Variants in DENND11 observed in about 807,000 individuals in gnomAD.
DENND11 encodes DENN domain-containing protein 11.
Under a neutral mutation model 49.2 loss-of-function variants are expected in DENND11, and 34 were observed. That is an observed-to-expected ratio of 0.69 (90% CI 0.53 to 0.92). The LOEUF (loss-of-function observed/expected upper bound fraction) is 0.92, where lower values mean the gene tolerates loss of function less well. Among genes scored for constraint, DENND11 ranks in the 40% least tolerant of loss-of-function variants. The probability of loss-of-function intolerance (pLI) is 0.00; values close to 1 mark genes in which losing one functional copy is unlikely to be tolerated. For synonymous variants in DENND11, 238 were observed against 230.3 expected (o/e 1.03, Z -0.30); for missense variants, 475 against 581.6 (o/e 0.82, Z 1.88).
rs1184679387 is a variant in DENND11 at position 141,657,918 on chromosome 7, A to G, written c.*4738T>C. 1 of 152,634 alleles carries G rather than the reference A, an allele frequency of 6.6e-6. No homozygotes were observed. The highest frequency in any genetic ancestry group is 1.9e-4 in the East Asian group (1 of 5,194). 9.5% of individuals were successfully genotyped at this position (152,634 alleles called of 1,614,324 possible). On this transcript the variant is annotated 3_prime_UTR_variant, in exon 9 of 9. Coordinates refer to ENST00000536163, the MANE Select transcript of DENND11 (RefSeq NM_001080392.2). Reference sequence around the variant, plus strand: ...CCTCTCTCAAGAAAGAGGCCTAAAAATAAGAATGATGACATTTACCCTTTT... The same window carrying G: ...CCTCTCTCAAGAAAGAGGCCTAAAAGTAAGAATGATGACATTTACCCTTTT...
intron 1 of DENND11, among the ~76,000 whole-genome samples, chr7:141,694,471 G>C (rs1297701871): frequency 3.3e-5 from 5 of 152,062 alleles, no homozygotes; most frequent in Admixed American, 6.6e-5. Context: ...ATGTTGCCCA[G>C]GCTGGTCTTG....
chr7:141,664,120 A>G, intron 8 of DENND11, 52 bp downstream of exon 8: 5 of 1,396,614 alleles, frequency 3.6e-6, no homozygotes, highest in South Asian at 2.5e-5. Flanking sequence ...CAGGTCACTC[A>G]GTGCCGAAGG....
At chr7:141,666,448 GGA>G in intron 4 of DENND11, 23 bp from the exon 5 acceptor site, 2 of 1,553,408 alleles carry the variant, frequency 1.3e-6, no homozygotes, top group East Asian at 2.3e-5. Flanking sequence ...AGGGGAATAG[GGA>G]GGAGAAAGAG....
intron 4 of DENND11, among the ~76,000 whole-genome samples, chr7:141,669,814 T>A (rs1341862808): frequency 7.0e-6 from 1 of 143,868 alleles, no homozygotes; most frequent in Non-Finnish European, 1.5e-5. Flanking sequence ...ATGCTATTTT[T>A]TTTTTTTTTT....
intron 1 of DENND11, chr7:141,701,604 AGAG>A (rs1030900942): frequency 7.9e-5 from 17 of 214,410 alleles, no homozygotes; most frequent in South Asian, 3.7e-4. Flanking sequence ...GCTGGGACTC[AGAG>A]GAGAGGAGGG....
intron 4 of DENND11, among the ~76,000 whole-genome samples, chr7:141,668,428 T>C (rs148941796): frequency 0.011 from 1,647 of 152,008 alleles, 29 homozygotes; most frequent in African/African-American, 0.038. Context: ...CTACTAAAAA[T>C]ACAAAAAATT....
chr7:141,664,051 G>T, intron 8 of DENND11, 121 bp downstream of exon 8: 1 of 799,480 alleles, frequency 1.3e-6, no homozygotes, highest in Non-Finnish European at 2.0e-6. Flanking sequence ...CCGGCTCTAA[G>T]TGCCCTTGGC....
chr7:141,701,982 G>C lies in DENND11; in HGVS notation c.172C>G (p.Pro58Ala), dbSNP rs1798528839. The C allele has an allele frequency of 1.7e-6, 2 of 1,158,312 alleles. No individual in the cohort carries two copies. Among genetic ancestry groups the C allele is most frequent in the Non-Finnish European group, 2.1e-6 (2 of 941,258 alleles). The allele number at this position is 1,158,312 out of a possible 1,614,324, so 71.8% of individuals were successfully genotyped here. The change falls in exon 1 of 9, where the codon CCG becomes GCG. Residue 58 changes from proline (P) to alanine (A), a missense_variant. Pro to Ala is a conservative substitution (Grantham distance 27). Coordinates refer to ENST00000536163, the MANE Select transcript of DENND11 (RefSeq NM_001080392.2). ...RRREPEEPAA[P>A]EVLLQPGRLE... Reference sequence around the variant, plus strand: ...CGCCCGGGCTGCAGCAGCACCTCCGGGGCGGCCGGCTCCTCGGGCTCCCGC... The same window carrying C: ...CGCCCGGGCTGCAGCAGCACCTCCGCGGCGGCCGGCTCCTCGGGCTCCCGC...
intron 1 of DENND11, among the ~76,000 whole-genome samples, chr7:141,700,123 C>A (rs1195456538): frequency 6.6e-6 from 1 of 152,192 alleles, no homozygotes; most frequent in Non-Finnish European, 1.5e-5. Flanking sequence ...AACTTCTTTT[C>A]TCTTTCCCTT....
intron 1 of DENND11, among the ~76,000 whole-genome samples, chr7:141,688,308 C>T (rs1300203748): frequency 6.6e-6 from 1 of 152,176 alleles, no homozygotes; most frequent in Admixed American, 6.5e-5. Flanking sequence ...ATTAGAAAAA[C>T]CATCAATGAT....
At chr7:141,695,739 G>A (rs1414717705) in intron 1 of DENND11, among the ~76,000 whole-genome samples, 1 of 152,198 alleles carries the variant, frequency 6.6e-6, no homozygotes, top group Non-Finnish European at 1.5e-5. Context: ...GAGAGGAGGT[G>A]CCAGTGACAA....
chr7:141,698,223 T>A (rs1798446802), intron 1 of DENND11, among the ~76,000 whole-genome samples: 1 of 152,232 alleles, frequency 6.6e-6, no homozygotes, highest in Admixed American at 6.5e-5. Flanking sequence ...CTTGCCACCA[T>A]CTGGGGGCAG....
rs1445363744 is a variant in DENND11 at position 141,657,192 on chromosome 7, T to G, written c.*5464A>C. The G allele has an allele frequency of 6.6e-6, 1 of 152,578 alleles. No individual in the cohort carries two copies. Among genetic ancestry groups the G allele is most frequent in the South Asian group, 2.1e-4 (1 of 4,822 alleles). The allele number at this position is 152,578 out of a possible 1,614,324, so 9.5% of individuals were successfully genotyped here. A position where few individuals can be genotyped will look rare whatever the true frequency, so the allele number is the denominator to read the frequency against. Reference sequence around the variant, plus strand: ...TTTTTCTAAGGCTACAACTATTTGTTTAGGCTTATTTTCCCGGACCTATAC... The same window carrying G: ...TTTTTCTAAGGCTACAACTATTTGTGTAGGCTTATTTTCCCGGACCTATAC... On this transcript the variant is annotated 3_prime_UTR_variant, in exon 9 of 9. Coordinates refer to ENST00000536163, the MANE Select transcript of DENND11 (RefSeq NM_001080392.2).
intron 4 of DENND11, among the ~76,000 whole-genome samples, chr7:141,667,849 C>T (rs551159791): frequency 5.9e-5 from 9 of 152,310 alleles, no homozygotes; most frequent in African/African-American, 2.2e-4. Flanking sequence ...CATTCCCCTA[C>T]CCCATGCCAG....
At chr7:141,696,489 CCAAG>C (rs1178373023) in intron 1 of DENND11, among the ~76,000 whole-genome samples, 1 of 152,102 alleles carries the variant, frequency 6.6e-6, no homozygotes, top group Non-Finnish European at 1.5e-5. Context: ...TAGATGGTTC[CCAAG>C]CAAGCACTTC....
intron 3 of DENND11, among the ~76,000 whole-genome samples, chr7:141,680,025 A>T (rs1026301237): frequency 6.6e-6 from 1 of 152,240 alleles, no homozygotes; most frequent in Non-Finnish European, 1.5e-5. Context: ...TTAAAATTAC[A>T]TACATATATC....
chr7:141,673,939 G>T (rs1392734587), intron 4 of DENND11, 128 bp downstream of exon 4: 17 of 1,171,606 alleles, frequency 1.5e-5, no homozygotes, highest in Non-Finnish European at 1.9e-5. Flanking sequence ...TTGCAACTCT[G>T]TTCTATCAAA....
intron 3 of DENND11, among the ~76,000 whole-genome samples, chr7:141,675,991 G>C (rs1394495768): frequency 1.3e-5 from 2 of 152,180 alleles, no homozygotes; most frequent in African/African-American, 4.8e-5. Context: ...TCATGAGCTA[G>C]ACAGGAAACC....
chr7:141,676,986 A>G (rs1798067962), intron 3 of DENND11, among the ~76,000 whole-genome samples: 1 of 152,186 alleles, frequency 6.6e-6, no homozygotes, highest in Non-Finnish European at 1.5e-5. Flanking sequence ...TCCTTCACTG[A>G]TAAAACACAG....
Sources: gnomAD v4.1 joint callset for allele counts (sites outside exome capture counted in the v4.1 genomes callset) on GRCh38, gnomAD v4.1.1 for gene constraint, MANE v1.5 for transcripts, NCBI Gene and HGNC (gene_info 2026-07-23, HGNC 2026-07-21) for gene names.